THSD7B: variants seen among roughly 807,000 people sequenced by gnomAD.
The protein encoded by THSD7B is thrombospondin type 1 domain containing 7B, also known as thrombospondin type-1 domain-containing protein 7B.
Under a neutral mutation model 213.6 loss-of-function variants are expected in THSD7B, and 138 were observed. The ratio of observed to expected loss-of-function variants is 0.65; its 90% CI spans 0.56 to 0.74. THSD7B has a LOEUF of 0.74. Among genes scored for constraint, THSD7B ranks in the 30% least tolerant of loss-of-function variants. THSD7B has a pLI of 0.00. For synonymous variants in THSD7B, 742 were observed against 687.0 expected, an observed-to-expected ratio of 1.08 and a Z score of -1.25; for missense variants, 1,931 against 1,991.5, an observed-to-expected ratio of 0.97 and a Z score of 0.58.
intron 2 of THSD7B, among the ~76,000 whole-genome samples, chr2:136,887,456 G>A (rs1253637000): frequency 6.6e-6 from 1 of 152,102 alleles, no homozygotes; most frequent in African/African-American, 2.4e-5. Flanking sequence ...CAGGTGGCAG[G>A]TGTTTGGATC....
In THSD7B at chr2:137,469,357, C is replaced by T. The variant is rs576048949; in HGVS notation, c.3138+18334C>T. 7.9e-5 allele frequency among the ~76,000 whole-genome samples: 12 copies of T among 152,254 alleles called. No individual in the cohort carries two copies. In the East Asian group the frequency reaches 1.4e-3, roughly 17 times the overall value. ...ATATGAACATTCTGAATTCAATATG[C>T]GATCCTCTTTGCATGAATTATTATC... On this transcript the variant is annotated intron_variant, in intron 15 of 27. Coordinates refer to ENST00000409968, the MANE Select transcript of THSD7B (RefSeq NM_001316349.2).
chr2:137,007,798 G>T (rs529180953), intron 2 of THSD7B, among the ~76,000 whole-genome samples: 1 of 152,144 alleles, frequency 6.6e-6, no homozygotes, highest in African/African-American at 2.4e-5. Context: ...TCTGTATGAT[G>T]AATTCACTAG....
chr2:136,806,952 A>AT (rs1266630797), intron 1 of THSD7B, among the ~76,000 whole-genome samples: 4 of 151,960 alleles, frequency 2.6e-5, no homozygotes, highest in Non-Finnish European at 4.4e-5. Flanking sequence ...CTTTACTCAT[A>AT]TTTTTCTCAT....
intron 1 of THSD7B, among the ~76,000 whole-genome samples, chr2:136,803,436 A>G (rs1282551332): frequency 6.6e-6 from 1 of 152,198 alleles, no homozygotes; most frequent in Non-Finnish European, 1.5e-5. Context: ...ATCTGTCTGC[A>G]CTAAAATTAA....
At chr2:136,781,834 T>C (rs73957534) in intron 1 of THSD7B, among the ~76,000 whole-genome samples, 148 of 152,306 alleles carry the variant, frequency 9.7e-4, no homozygotes, top group Middle Eastern at 3.4e-3. Context: ...TACCCTTTGC[T>C]ACTCTGCTCT....
At position 137,094,964 on chromosome 2, in the gene THSD7B, T is replaced by A; in HGVS notation, c.1042T>A (p.Cys348Ser). ...CTCCCAGTGGTCCTCCTGGAGCCCC[T>A]GCTCCAAGACATGCCGTTCAGGGAG... ...ETSQWSSWSPCSKTCRSGSLL... is the reference protein window; with the variant it reads ...ETSQWSSWSPSSKTCRSGSLL... Residue 348 changes from cysteine (C) to serine (S), a missense_variant, in exon 4 of 28, where the codon TGC (cysteine) becomes AGC (serine). Physicochemically the swap from Cys to Ser is moderately radical, Grantham distance 112. Coordinates refer to ENST00000409968, the MANE Select transcript of THSD7B (RefSeq NM_001316349.2). The A allele has an allele frequency of 6.2e-7, 1 of 1,613,590 alleles. No individual in the cohort carries two copies. The highest frequency in any genetic ancestry group is 8.5e-7 in the Non-Finnish European group (1 of 1,179,556).
At chr2:137,034,162 T>A (rs1016945155) in intron 2 of THSD7B, among the ~76,000 whole-genome samples, 1 of 152,122 alleles carries the variant, frequency 6.6e-6, no homozygotes, top group Non-Finnish European at 1.5e-5. Context: ...TATTCCATGG[T>A]GTATATGTAC....
chr2:136,921,057 C>T (rs73957713), intron 2 of THSD7B, among the ~76,000 whole-genome samples: 11,233 of 151,908 alleles, frequency 0.074, 669 homozygotes, highest in African/African-American at 0.16. Context: ...GGGAGTGCGG[C>T]CTTCTGCACT....
intron 5 of THSD7B, among the ~76,000 whole-genome samples, chr2:137,157,679 C>T (rs1679936813): frequency 6.6e-6 from 1 of 152,166 alleles, no homozygotes; most frequent in Non-Finnish European, 1.5e-5. Context: ...ATCCCAATCC[C>T]AGGTCCACTG....
intron 2 of THSD7B, among the ~76,000 whole-genome samples, chr2:136,961,088 C>CAAA (rs57328048): frequency 0.065 from 2,530 of 38,768 alleles, 525 homozygotes; most frequent in Middle Eastern, 0.21. Context: ...GACTCCGTCT[C>CAAA]AAAAAAAAAA....
At chr2:137,655,283 G>A (rs893546308) in intron 21 of THSD7B, among the ~76,000 whole-genome samples, 2 of 152,078 alleles carry the variant, frequency 1.3e-5, no homozygotes, top group Non-Finnish European at 2.9e-5. Flanking sequence ...AAGTACATAG[G>A]TTCCATGGCA....
At chr2:137,161,790 C>A (rs1031144718) in intron 6 of THSD7B, among the ~76,000 whole-genome samples, 1 of 152,184 alleles carries the variant, frequency 6.6e-6, no homozygotes, top group Non-Finnish European at 1.5e-5. Flanking sequence ...GTCTTATGAT[C>A]TACACATATA....
intron 12 of THSD7B, among the ~76,000 whole-genome samples, chr2:137,403,626 G>C (rs1021011508): frequency 6.6e-6 from 1 of 152,204 alleles, no homozygotes. Context: ...GGGTAGACCA[G>C]AATTATGTGA....
intron 12 of THSD7B, among the ~76,000 whole-genome samples, chr2:137,303,662 T>TTA (rs1447979246): frequency 7.8e-6 from 1 of 128,886 alleles, no homozygotes; most frequent in Non-Finnish European, 1.6e-5. Flanking sequence ...ATTTTCGTGT[T>TTA]TATATATATT....
At chr2:136,864,737 A>G (rs549060810) in intron 1 of THSD7B, among the ~76,000 whole-genome samples, 41 of 152,230 alleles carry the variant, frequency 2.7e-4, no homozygotes, top group Admixed American at 2.7e-3. Flanking sequence ...TACTTTTAGT[A>G]GAGATGGGGT....
At chr2:137,467,066 T>A (rs1688008584) in intron 15 of THSD7B, among the ~76,000 whole-genome samples, 1 of 152,206 alleles carries the variant, frequency 6.6e-6, no homozygotes, top group Admixed American at 6.6e-5. Flanking sequence ...CATGCCTCAC[T>A]GACTGAAGCT....
At chr2:137,372,964 T>G (rs1386662650) in intron 12 of THSD7B, among the ~76,000 whole-genome samples, 1 of 151,516 alleles carries the variant, frequency 6.6e-6, no homozygotes, top group Admixed American at 6.6e-5. Context: ...TTTTTGTTCT[T>G]GCGATAGTTT....
rs201157223 is a variant in THSD7B at position 136,907,874 on chromosome 2, CA to C, written c.139+25558del. Reference sequence around the variant, plus strand: ...GAAAATAAATGTCACCAACATTAAGCAGTAGGATGTTGCTTTCAGTGCAGTA... The same window carrying C: ...GAAAATAAATGTCACCAACATTAAGCGTAGGATGTTGCTTTCAGTGCAGTA... On this transcript the variant is annotated intron_variant, in intron 2 of 27. Coordinates refer to ENST00000409968, the MANE Select transcript of THSD7B (RefSeq NM_001316349.2). Among the ~76,000 whole-genome samples the C allele has an allele frequency of 9.1e-3, 1,390 of 152,238 alleles. 6 individuals are homozygous for C. The highest frequency in any genetic ancestry group is 0.014 in the Middle Eastern group (4 of 294).
intron 12 of THSD7B, among the ~76,000 whole-genome samples, chr2:137,388,498 A>G (rs2104974295): frequency 1.3e-5 from 2 of 152,258 alleles, no homozygotes; most frequent in South Asian, 4.1e-4. Context: ...TCAAGTATTT[A>G]TCATTTCTAT....
Sources: gnomAD v4.1 joint callset for allele counts (sites outside exome capture counted in the v4.1 genomes callset) on GRCh38, gnomAD v4.1.1 for gene constraint, MANE v1.5 for transcripts, NCBI Gene and HGNC (gene_info 2026-07-23, HGNC 2026-07-21) for gene names.